Variants in ATXN1 observed in about 807,000 individuals in gnomAD.
ATXN1 encodes ataxin 1.
Under a neutral mutation model 56.4 loss-of-function variants are expected in ATXN1, and 8 were observed. The observed-to-expected ratio is 0.14, with a 90% CI of 0.08 to 0.26. ATXN1 has a LOEUF of 0.26. Among genes scored for constraint, ATXN1 ranks in the 10% least tolerant of loss-of-function variants. The pLI is 1.00. For missense variants in ATXN1, 987 were observed against 1,106.5 expected, an observed-to-expected ratio of 0.89 and a Z score of 1.53; for synonymous variants, 514 against 494.6, an observed-to-expected ratio of 1.04 and a Z score of -0.52.
intron 2 of ATXN1, among the ~76,000 whole-genome samples, chr6:16,697,652 C>A (rs1252785431): frequency 7.4e-6 from 1 of 135,636 alleles, no homozygotes; most frequent in Non-Finnish European, 1.6e-5. Context: ...TGGGCTTAAT[C>A]CCCAAATGTT....
chr6:16,376,514 A>G (rs1156250193), intron 6 of ATXN1, among the ~76,000 whole-genome samples: 1 of 152,244 alleles, frequency 6.6e-6, no homozygotes, highest in African/African-American at 2.4e-5. Context: ...TTGCAATGAT[A>G]TGAAGGAAAC....
At chr6:16,594,192 A>G (rs1003987195) in intron 3 of ATXN1, among the ~76,000 whole-genome samples, 1 of 149,824 alleles carries the variant, frequency 6.7e-6, no homozygotes, top group Non-Finnish European at 1.5e-5. Context: ...GACCTTTAAA[A>G]TTTTTTCAGC....
chr6:16,709,859 CATAATT>C (rs1262872054), intron 2 of ATXN1, among the ~76,000 whole-genome samples: 3 of 152,074 alleles, frequency 2.0e-5, no homozygotes, highest in Non-Finnish European at 4.4e-5. Flanking sequence ...CAAAATAACA[CATAATT>C]ATAACTGGTT....
At chr6:16,529,207 T>G (rs1382726597) in intron 4 of ATXN1, among the ~76,000 whole-genome samples, 19 of 145,668 alleles carry the variant, frequency 1.3e-4, no homozygotes, top group Non-Finnish European at 8.9e-5. Context: ...CAGGGTTTTT[T>G]GTTTTTTTTT....
At chr6:16,623,802 T>C (rs1453687126) in intron 3 of ATXN1, among the ~76,000 whole-genome samples, 1 of 152,236 alleles carries the variant, frequency 6.6e-6, no homozygotes, top group African/African-American at 2.4e-5. Flanking sequence ...TTCAAAAACA[T>C]ATCCGATGTG....
intron 7 of ATXN1, among the ~76,000 whole-genome samples, chr6:16,320,688 T>C (rs1436265027): frequency 6.6e-6 from 1 of 152,220 alleles, no homozygotes; most frequent in Non-Finnish European, 1.5e-5. Flanking sequence ...AAGAGGAGCC[T>C]GGGAGCCCTT....
intron 5 of ATXN1, among the ~76,000 whole-genome samples, chr6:16,487,664 G>A (rs974841144): frequency 1.3e-5 from 2 of 152,174 alleles, no homozygotes; most frequent in Admixed American, 1.3e-4. Context: ...CCAGGACCCT[G>A]CACCCAAGGA....
chr6:16,513,728 G>C (rs183043631), intron 5 of ATXN1, among the ~76,000 whole-genome samples: 1 of 152,146 alleles, frequency 6.6e-6, no homozygotes, highest in East Asian at 1.9e-4. Flanking sequence ...AGCAACTCAG[G>C]TGTCTGTCCA....
chr6:16,549,982 A>G (rs1038525118), intron 4 of ATXN1, among the ~76,000 whole-genome samples: 1 of 144,918 alleles, frequency 6.9e-6, no homozygotes, highest in African/African-American at 2.5e-5. Flanking sequence ...GGACACAGGA[A>G]GGGGAACAAC....
intron 4 of ATXN1, among the ~76,000 whole-genome samples, chr6:16,535,562 T>C (rs1761580660): frequency 6.6e-6 from 1 of 152,212 alleles, no homozygotes; most frequent in Non-Finnish European, 1.5e-5. Context: ...CATGAGTTCA[T>C]ATTGATATAA....
At chr6:16,489,980 A>G (rs549787248) in intron 5 of ATXN1, among the ~76,000 whole-genome samples, 1 of 152,142 alleles carries the variant, frequency 6.6e-6, no homozygotes, top group South Asian at 2.1e-4. Flanking sequence ...TGGTCCAGGG[A>G]CCAGACTTTG....
intron 3 of ATXN1, among the ~76,000 whole-genome samples, chr6:16,619,926 G>A (rs1181033424): frequency 1.3e-5 from 2 of 151,194 alleles, no homozygotes; most frequent in African/African-American, 4.9e-5. Context: ...ATCACTTTAA[G>A]ATCTGCCACC....
rs1341080278 is a variant in ATXN1 at position 16,678,093 on chromosome 6, G to GA, written c.-614-20193dup. Among the ~76,000 whole-genome samples, 8 of 151,946 alleles carry GA rather than the reference G, an allele frequency of 5.3e-5. No homozygotes were observed. In the East Asian group the frequency reaches 1.2e-3, roughly 22 times the overall value. ...AATTTTACCAAGAGCAAAAAGAAGGGAAAAAAAAGTCTCTTCATTTTGCCA... is the reference window on the plus strand; with the variant it reads ...AATTTTACCAAGAGCAAAAAGAAGGGAAAAAAAAAGTCTCTTCATTTTGCCA... On this transcript the variant is annotated intron_variant, in intron 2 of 7. Coordinates refer to ENST00000436367, the MANE Select transcript of ATXN1 (RefSeq NM_001128164.2).
At chr6:16,419,603 G>C (rs1581749564) in intron 6 of ATXN1, among the ~76,000 whole-genome samples, 4 of 152,300 alleles carry the variant, frequency 2.6e-5, no homozygotes, top group South Asian at 2.1e-4. Context: ...CAGAGTGTGT[G>C]AGGGCCAGGC....
chr6:16,482,369 TGAG>T (rs1760457201), intron 6 of ATXN1, among the ~76,000 whole-genome samples: 1 of 152,162 alleles, frequency 6.6e-6, no homozygotes, highest in African/African-American at 2.4e-5. Flanking sequence ...GCAGACTAGT[TGAG>T]GAGACTGATG....
intron 2 of ATXN1, among the ~76,000 whole-genome samples, chr6:16,702,479 T>A (rs138022846): frequency 0.013 from 1,917 of 152,154 alleles, 40 homozygotes; most frequent in African/African-American, 0.044. Context: ...GCCAAAATTG[T>A]CAAATGGGAT....
At chr6:16,368,299 T>TG (rs1334114350) in intron 6 of ATXN1, among the ~76,000 whole-genome samples, 1 of 151,220 alleles carries the variant, frequency 6.6e-6, no homozygotes, top group Non-Finnish European at 1.5e-5. Context: ...CACTTTTATG[T>TG]GAGAGAAAAA....
chr6:16,709,591 G>A (rs1194537994), intron 2 of ATXN1, among the ~76,000 whole-genome samples: 1 of 152,032 alleles, frequency 6.6e-6, no homozygotes, highest in Non-Finnish European at 1.5e-5. Context: ...TTCACACAAA[G>A]AGAACTCCAA....
At chr6:16,556,013 C>T (rs943753592) in intron 4 of ATXN1, among the ~76,000 whole-genome samples, 2 of 152,176 alleles carry the variant, frequency 1.3e-5, no homozygotes, top group African/African-American at 4.8e-5. Flanking sequence ...ATGGCACCAT[C>T]AAAAAGAATC....
Sources: gnomAD v4.1 joint callset for allele counts (sites outside exome capture counted in the v4.1 genomes callset) on GRCh38, gnomAD v4.1.1 for gene constraint, MANE v1.5 for transcripts, NCBI Gene and HGNC (gene_info 2026-07-23, HGNC 2026-07-21) for gene names.